Variants in SMOC1 observed in about 807,000 individuals in gnomAD.
SMOC1 encodes SPARC related modular calcium binding 1, also known as SPARC-related modular calcium-binding protein 1.
A neutral mutation model predicts 56.3 loss-of-function variants in SMOC1; 22 were observed. That is an observed-to-expected ratio of 0.39 (90% CI 0.28 to 0.56). The LOEUF (loss-of-function observed/expected upper bound fraction) is 0.56. Ranked by LOEUF, SMOC1 falls within the 20% of genes least tolerant of loss-of-function variation. SMOC1 has a pLI of 0.61. For synonymous variants in SMOC1, 193 were observed against 215.0 expected (o/e 0.90, Z 0.89); for missense variants, 509 against 565.4 (o/e 0.90, Z 1.01).
chr14:69,977,904 C>T lies in SMOC1; in HGVS notation c.479-14C>T. 1.9e-6 allele frequency: 3 copies of T among 1,613,412 alleles called. No individual in the cohort carries two copies. Among genetic ancestry groups the T allele is most frequent in the Non-Finnish European group, 2.5e-6 (3 of 1,179,432 alleles). On this transcript the variant is annotated splice_polypyrimidine_tract_variant and intron_variant, in intron 4 of 11. Coordinates refer to ENST00000361956, the MANE Select transcript of SMOC1 (RefSeq NM_001034852.3). The stretch of plus-strand genomic sequence containing the variant: ...TTCTGAGTGGCTATGTTTTTGTTTC[C>T]CTTCTCACCCAAGGTTCAGTCACCG...
intron 1 of SMOC1, among the ~76,000 whole-genome samples, chr14:69,949,369 C>A (rs558004880): frequency 7.2e-5 from 11 of 152,258 alleles, no homozygotes; most frequent in African/African-American, 2.6e-4. Flanking sequence ...GGGCTGCACT[C>A]CTCCCACACA....
At chr14:69,954,253 A>T (rs1303361624) in intron 3 of SMOC1, among the ~76,000 whole-genome samples, 1 of 152,122 alleles carries the variant, frequency 6.6e-6, no homozygotes, top group African/African-American at 2.4e-5. Flanking sequence ...ATCATAGCTC[A>T]TTGCAGCCTT....
At chr14:69,993,937 G>A (rs227414) in intron 6 of SMOC1, among the ~76,000 whole-genome samples, 5,445 of 152,222 alleles carry the variant, frequency 0.036, 335 homozygotes, top group African/African-American at 0.12. Context: ...ATTAGAAAGG[G>A]GATTGAAGCA....
chr14:69,931,487 G>A (rs1417829623), intron 1 of SMOC1, among the ~76,000 whole-genome samples: 7 of 152,262 alleles, frequency 4.6e-5, no homozygotes, highest in African/African-American at 1.7e-4. Context: ...TTGGAGGAAG[G>A]AGCCAGATCA....
At chr14:69,936,229 C>T (rs886094013) in intron 1 of SMOC1, among the ~76,000 whole-genome samples, 11 of 152,162 alleles carry the variant, frequency 7.2e-5, no homozygotes. Context: ...CGCTGGCAGC[C>T]CCTATCACAG....
At chr14:69,992,201 G>A (rs1005362341) in intron 5 of SMOC1, among the ~76,000 whole-genome samples, 1 of 152,190 alleles carries the variant, frequency 6.6e-6, no homozygotes, top group African/African-American at 2.4e-5. Flanking sequence ...CCTTGGGATG[G>A]TGAACACACA....
intron 10 of SMOC1, among the ~76,000 whole-genome samples, chr14:70,016,331 AATTGTTTTCAAAAC>A (rs1391417935): frequency 5.3e-5 from 8 of 152,344 alleles, no homozygotes; most frequent in African/African-American, 1.9e-4. Context: ...TTTTCAAAAA[AATTGTTTTCAAAAC>A]ATGTTTTTCA....
chr14:70,011,782 T>C (rs940989093), intron 9 of SMOC1, among the ~76,000 whole-genome samples: 1 of 152,252 alleles, frequency 6.6e-6, no homozygotes, highest in Non-Finnish European at 1.5e-5. Context: ...GTCTTTATAA[T>C]GCAGTCATCG....
intron 3 of SMOC1, among the ~76,000 whole-genome samples, chr14:69,966,716 T>A (rs1368292190): frequency 6.6e-6 from 1 of 152,176 alleles, no homozygotes. Context: ...TTTGGGACAA[T>A]TTTTTTGGAA....
intron 1 of SMOC1, among the ~76,000 whole-genome samples, chr14:69,900,875 C>T (rs1034601909): frequency 8.5e-5 from 13 of 152,200 alleles, no homozygotes; most frequent in Admixed American, 6.5e-4. Context: ...TCTAGCATGA[C>T]CTTTAGTCAT....
At chr14:69,907,281 A>G (rs1884435332) in intron 1 of SMOC1, among the ~76,000 whole-genome samples, 1 of 152,226 alleles carries the variant, frequency 6.6e-6, no homozygotes, top group South Asian at 2.1e-4. Context: ...AGTTAACTTC[A>G]CTGTCTATTT....
intron 5 of SMOC1, among the ~76,000 whole-genome samples, chr14:69,979,443 G>T (rs1052609322): frequency 6.6e-6 from 1 of 152,184 alleles, no homozygotes; most frequent in Non-Finnish European, 1.5e-5. Flanking sequence ...TCCTTCCCAG[G>T]GCATGAGGAG....
intron 1 of SMOC1, among the ~76,000 whole-genome samples, chr14:69,897,175 G>T (rs1345909474): frequency 2.0e-4 from 30 of 152,102 alleles, no homozygotes; most frequent in Non-Finnish European, 2.9e-5. Flanking sequence ...CCTTCCCCTT[G>T]TCTGGGGGTT....
At chr14:69,968,046 A>AT (rs1434294230) in intron 3 of SMOC1, among the ~76,000 whole-genome samples, 1 of 152,224 alleles carries the variant, frequency 6.6e-6, no homozygotes, top group African/African-American at 2.4e-5. Flanking sequence ...CAGTCACTAG[A>AT]TTCATGCATT....
chr14:69,997,766 G>A (rs979474909), intron 7 of SMOC1, among the ~76,000 whole-genome samples: 5 of 152,076 alleles, frequency 3.3e-5, no homozygotes, highest in African/African-American at 1.2e-4. Context: ...CTGGATATTT[G>A]GCTCTGGTAG....
intron 5 of SMOC1, among the ~76,000 whole-genome samples, chr14:69,985,965 G>A (rs1264580505): frequency 1.3e-5 from 2 of 152,108 alleles, no homozygotes; most frequent in Non-Finnish European, 2.9e-5. Context: ...TATAGGGTTC[G>A]GTTCTATCCG....
chr14:70,009,279 G>T (rs756079744), intron 7 of SMOC1, among the ~76,000 whole-genome samples: 3 of 152,104 alleles, frequency 2.0e-5, no homozygotes, highest in Non-Finnish European at 4.4e-5. Flanking sequence ...CCAGGCTATT[G>T]TTTTCGAGCA....
chr14:69,944,042 T>C (rs551961065), intron 1 of SMOC1, among the ~76,000 whole-genome samples: 3 of 152,232 alleles, frequency 2.0e-5, no homozygotes, highest in Admixed American at 6.5e-5. Context: ...CCAGCCTCGG[T>C]TTTCTCCTCA....
chr14:70,010,587 G>T (rs1829711544), intron 7 of SMOC1, among the ~76,000 whole-genome samples, 167 bp from the exon 8 acceptor site: 1 of 152,232 alleles, frequency 6.6e-6, no homozygotes. Context: ...CCCTCAGCAT[G>T]CGCTGGCATG....
Sources: gnomAD v4.1 joint callset for allele counts (sites outside exome capture counted in the v4.1 genomes callset) on GRCh38, gnomAD v4.1.1 for gene constraint, MANE v1.5 for transcripts, NCBI Gene and HGNC (gene_info 2026-07-23, HGNC 2026-07-21) for gene names.